PFKM: variants seen among roughly 807,000 people sequenced by gnomAD.
The protein encoded by PFKM is phosphofructokinase, muscle, also known as ATP-dependent 6-phosphofructokinase, muscle type.
PFKM carries 58 observed loss-of-function variants against 95.5 expected under a neutral mutation model. The observed-to-expected ratio is 0.61, with a 90% confidence interval of 0.49 to 0.76. The LOEUF is 0.76. Among genes scored for constraint, PFKM ranks in the 30% least tolerant of loss-of-function variants. The pLI is 0.00. For synonymous variants in PFKM, 336 were observed against 357.2 expected (o/e 0.94, Z 0.67); for missense variants, 678 against 1,005.4 (o/e 0.67, Z 4.40).
intron 17 of PFKM, 84 bp downstream of exon 17, chr12:48,142,150 CT>C: frequency 7.8e-7 from 1 of 1,287,586 alleles, no homozygotes; most frequent in South Asian, 1.2e-5. Flanking sequence ...GTGAGCTACT[CT>C]TTATATCAAG....
chr12:48,112,152 G>C (rs960676583), intron 3 of PFKM, among the ~76,000 whole-genome samples: 2 of 152,168 alleles, frequency 1.3e-5, no homozygotes, highest in African/African-American at 4.8e-5. Context: ...GGATGAGTTA[G>C]GGAGAGCTAG....
Position 48,145,609 on chromosome 12 carries a change from C to G in PFKM, c.2244C>G (p.Ile748Met), listed in dbSNP as rs1950980543. ...AGTGGTGGCTGAAACTGAGGCCCAT[C>G]CTCAAAATCCTAGCCAAGTACGAGA... ...KEQWWLKLRP[I>M]LKILAKYEID... The change falls in exon 23 of 23, where the codon ATC becomes ATG. Residue 748 changes from isoleucine to methionine, a missense_variant. Coordinates refer to ENST00000359794, the MANE Select transcript of PFKM (RefSeq NM_000289.6). This position sits in a 1 kb window ranked among gnomAD's most constrained non-coding sequence, Gnocchi z 4.3. 1 of 1,614,086 alleles carries G rather than the reference C, an allele frequency of 6.2e-7. No individual in the cohort carries two copies. Among genetic ancestry groups the G allele is most frequent in the Middle Eastern group, 1.6e-4 (1 of 6,062 alleles).
chr12:48,131,185 C>G, intron 3 of PFKM, 131 bp from the exon 4 acceptor site: 1 of 729,078 alleles, frequency 1.4e-6, no homozygotes, highest in Non-Finnish European at 2.5e-6. Context: ...GATAGTCTCA[C>G]GAGCATCCAG....
intron 17 of PFKM, 106 bp downstream of exon 17, chr12:48,142,172 T>G: frequency 8.7e-7 from 1 of 1,154,378 alleles, no homozygotes; most frequent in Admixed American, 1.7e-5. Flanking sequence ...CAAATGGGAA[T>G]GTTTGAAAAT....
At chr12:48,115,008 G>A (rs184983987), upstream of PFKM, among the ~76,000 whole-genome samples, 182 of 152,302 alleles carry the variant, frequency 1.2e-3, no homozygotes, top group Admixed American at 4.9e-3. Flanking sequence ...CAAGTTTAAA[G>A]AGAAGAGTAG....
chr12:48,115,198 G>A (rs182048806), upstream of PFKM, among the ~76,000 whole-genome samples: 4 of 152,252 alleles, frequency 2.6e-5, no homozygotes, highest in African/African-American at 7.2e-5. Context: ...GCATCCCCAC[G>A]ATAATTAAAC....
chr12:48,140,996 C>A, intron 14 of PFKM, 125 bp downstream of exon 14: 1 of 1,010,294 alleles, frequency 9.9e-7, no homozygotes, highest in Non-Finnish European at 1.5e-6. Context: ...AGGGTCCAGG[C>A]AGAAGTAGAT....
chr12:48,139,443 C>T (rs972914942), intron 12 of PFKM, 94 bp downstream of exon 12: 26 of 923,834 alleles, frequency 2.8e-5, no homozygotes, highest in Non-Finnish European at 4.6e-5. Context: ...ACATGAGCTT[C>T]TGCTGCTTCC....
At chr12:48,137,347 A>G in intron 10 of PFKM, 1 of 284,536 alleles carries the variant, frequency 3.5e-6, no homozygotes, top group Non-Finnish European at 6.8e-6. Flanking sequence ...ACAGGCATGT[A>G]ATTCCAACCT....
intron 2 of PFKM, 65 bp downstream of exon 2, chr12:48,122,924 T>C: frequency 6.9e-7 from 1 of 1,458,250 alleles, no homozygotes; most frequent in Non-Finnish European, 9.6e-7. Context: ...TCCCTTAGCC[T>C]ATACAATAGA....
chr12:48,141,172 G>C lies in PFKM; in HGVS notation c.1342-139G>C, dbSNP rs906671597. The C allele has an allele frequency of 4.9e-6, 4 of 820,582 alleles. No individual in the cohort carries two copies. In the African/African-American group the frequency reaches 6.7e-5, roughly 14 times the overall value. 50.8% of individuals were successfully genotyped at this position (820,582 alleles called of 1,614,324 possible). ...AGGGTAGAAGAAGTTGAGTGCGTGG[G>C]GAAAAGCTAATACCTGGTGTACCTT... On this transcript the variant is annotated intron_variant, in intron 14 of 22. Transcript: ENST00000359794.
Position 48,134,264 on chromosome 12 carries a change from G to T in PFKM, c.626G>T (p.Gly209Val). 6.2e-7 allele frequency: 1 copy of T among 1,613,712 alleles called. No individual in the cohort carries two copies. The highest frequency in any genetic ancestry group is 8.5e-7 in the Non-Finnish European group (1 of 1,179,626). Residue 209 changes from glycine (G) to valine (V), a missense_variant, in exon 7 of 23, where the codon GGC becomes GTC. Transcript: ENST00000359794. ...AGGACATTTGTGTTAGAAGTAATGG[G>T]CCGCCACTGTGGGTAAGATCCTCAT... ...HQRTFVLEVM[G>V]RHCGYLALVT...
upstream of PFKM, among the ~76,000 whole-genome samples, chr12:48,115,460 A>G (rs139954215): frequency 6.9e-3 from 1,049 of 152,292 alleles, 3 homozygotes; most frequent in Non-Finnish European, 0.012. Flanking sequence ...TACGTTCTCA[A>G]GGATGGGGAG....
At chr12:48,141,889 T>C in intron 16 of PFKM, 25 bp from the exon 17 acceptor site, 1 of 1,614,080 alleles carries the variant, frequency 6.2e-7, no homozygotes, top group East Asian at 2.2e-5. Context: ...TCCCCAATCC[T>C]GCCCTTGTGC....
intron 2 of PFKM, among the ~76,000 whole-genome samples, chr12:48,125,165 GA>G (rs1948698584): frequency 6.6e-6 from 1 of 152,174 alleles, no homozygotes; most frequent in Non-Finnish European, 1.5e-5. Context: ...TCCAGCCTAG[GA>G]ATGGCTTCAG....
intron 1 of PFKM, 109 bp from the exon 2 acceptor site, chr12:48,122,658 A>G: frequency 1.3e-6 from 2 of 1,562,624 alleles, no homozygotes. Flanking sequence ...GACTTGGTAT[A>G]GTGGGAGAGC....
At chr12:48,133,920 C>T (rs1310579131) in intron 6 of PFKM, among the ~76,000 whole-genome samples, 3 of 152,092 alleles carry the variant, frequency 2.0e-5, no homozygotes, top group East Asian at 3.9e-4. Flanking sequence ...CCAGGGTAAT[C>T]CTAAAGGATT....
chr12:48,108,205 TGGG>T, intron 3 of PFKM: 2 of 1,596,800 alleles, frequency 1.3e-6, no homozygotes, highest in Non-Finnish European at 1.7e-6. Flanking sequence ...GTGAGGCATG[TGGG>T]TCAACAGTGA....
intron 2 of PFKM, among the ~76,000 whole-genome samples, chr12:48,128,598 A>C (rs1308569186): frequency 2.6e-5 from 4 of 152,138 alleles, no homozygotes; most frequent in African/African-American, 7.2e-5. Context: ...CCTTCAATTC[A>C]ATTTGGAGCT....
Sources: allele counts gnomAD v4.1 joint callset (sites outside exome capture counted in the v4.1 genomes callset), GRCh38; gene constraint gnomAD v4.1.1; non-coding constraint Gnocchi (gnomAD v3.1); transcripts MANE v1.5; gene names NCBI Gene and HGNC (gene_info 2026-07-23, HGNC 2026-07-21).